TMEM135: variants seen among roughly 807,000 people sequenced by gnomAD.
TMEM135 encodes peroxisomal membrane protein 52.
In TMEM135, 30 loss-of-function variants were observed where a neutral mutation model predicts 60.3. The observed-to-expected ratio is 0.50, with a 90% confidence interval of 0.37 to 0.68. The LOEUF is 0.68. Among genes scored for constraint, TMEM135 ranks in the 30% least tolerant of loss-of-function variants. TMEM135 has a pLI of 0.00. For synonymous variants in TMEM135, 190 were observed against 186.7 expected (o/e 1.02, Z -0.14); for missense variants, 468 against 548.8 (o/e 0.85, Z 1.47).
chr11:87,107,903 C>G (rs1163157759), intron 4 of TMEM135, among the ~76,000 whole-genome samples: 2 of 152,160 alleles, frequency 1.3e-5, no homozygotes, highest in African/African-American at 4.8e-5. Flanking sequence ...TCCTATTTCT[C>G]CACATCCTCT....
rs796889631 is a variant in TMEM135 at position 87,302,584 on chromosome 11, G to A, written c.698+142G>A. The A allele has an allele frequency of 8.0e-5, 79 of 991,272 alleles. No homozygotes were observed. The African/African-American group carries it at 1.2e-3, about 15-fold the overall frequency. 61.4% of individuals were successfully genotyped at this position (991,272 alleles called of 1,614,324 possible). On this transcript the variant is annotated intron_variant, in intron 8 of 14. Coordinates refer to ENST00000305494, the MANE Select transcript of TMEM135 (RefSeq NM_022918.4). The stretch of plus-strand genomic sequence containing the variant: ...AACTGTGCATAGAATTTTATAAAAG[G>A]CACACAATGGCAAGTGAATATTATT...
At chr11:87,121,982 A>G (rs1937604880) in intron 4 of TMEM135, among the ~76,000 whole-genome samples, 1 of 152,124 alleles carries the variant, frequency 6.6e-6, no homozygotes, top group Non-Finnish European at 1.5e-5. Flanking sequence ...ACTAGATTTG[A>G]TAACTTGGCC....
chr11:87,113,162 A>G (rs957524977), intron 4 of TMEM135, among the ~76,000 whole-genome samples: 2 of 152,124 alleles, frequency 1.3e-5, no homozygotes, highest in African/African-American at 4.8e-5. Flanking sequence ...TCATGGCCCA[A>G]CTTATAAATG....
intron 8 of TMEM135, among the ~76,000 whole-genome samples, chr11:87,305,602 C>T (rs1463755748): frequency 2.0e-5 from 3 of 151,840 alleles, no homozygotes; most frequent in Non-Finnish European, 1.5e-5. Flanking sequence ...AGTGAAACCC[C>T]ATCTCTACTA....
chr11:87,090,593 T>A (rs1275607753), intron 3 of TMEM135, among the ~76,000 whole-genome samples: 1 of 152,084 alleles, frequency 6.6e-6, no homozygotes, highest in African/African-American at 2.4e-5. Flanking sequence ...TTTTCAGAGG[T>A]CAAACTCTGC....
At chr11:87,242,851 G>C (rs1941170994) in intron 6 of TMEM135, among the ~76,000 whole-genome samples, 5 of 147,594 alleles carry the variant, frequency 3.4e-5, no homozygotes, top group African/African-American at 1.3e-4. Context: ...AAGCTCTTTA[G>C]TTTAATGAGA....
In TMEM135 at chr11:87,309,972, G is replaced by A. The variant is rs187521783; in HGVS notation, c.936+300G>A. 2.0e-5 allele frequency among the ~76,000 whole-genome samples: 3 copies of A among 151,736 alleles called. No individual in the cohort carries two copies. In the East Asian group the frequency reaches 5.8e-4, roughly 29 times the overall value. Reference sequence around the variant, plus strand: ...ACACTCAGAAAATATGAATTTTTTGGATATTTCCAATATCAAAAATGATAT... The same window carrying A: ...ACACTCAGAAAATATGAATTTTTTGAATATTTCCAATATCAAAAATGATAT... On this transcript the variant is annotated intron_variant, in intron 10 of 14. Transcript: ENST00000305494.
At chr11:87,063,225 A>T (rs1393399857) in intron 1 of TMEM135, among the ~76,000 whole-genome samples, 1 of 152,124 alleles carries the variant, frequency 6.6e-6, no homozygotes, top group East Asian at 1.9e-4. Context: ...ATTTTGATTC[A>T]TTTTCCTAGG....
intron 3 of TMEM135, among the ~76,000 whole-genome samples, chr11:87,072,363 AATT>A (rs1210745080): frequency 6.6e-6 from 1 of 152,010 alleles, no homozygotes; most frequent in Non-Finnish European, 1.5e-5. Flanking sequence ...ATCTCAAATC[AATT>A]ATTATTATTA....
intron 4 of TMEM135, among the ~76,000 whole-genome samples, chr11:87,115,897 A>G (rs558391195): frequency 6.6e-6 from 1 of 152,228 alleles, no homozygotes; most frequent in South Asian, 2.1e-4. Context: ...TTAGATATTT[A>G]TTAAACATTA....
chr11:87,247,640 G>A (rs1480181219), intron 6 of TMEM135, among the ~76,000 whole-genome samples: 2 of 152,318 alleles, frequency 1.3e-5, no homozygotes, highest in East Asian at 3.9e-4. Context: ...AGACTCCGTG[G>A]GCGTAGGACC....
At chr11:87,183,608 T>G (rs1467903575) in intron 5 of TMEM135, among the ~76,000 whole-genome samples, 1 of 152,132 alleles carries the variant, frequency 6.6e-6, no homozygotes, top group African/African-American at 2.4e-5. Context: ...ATAATTGAAA[T>G]GTATGCATTG....
At chr11:87,096,344 G>C (rs893863516) in intron 4 of TMEM135, 1 of 192,826 alleles carries the variant, frequency 5.2e-6, no homozygotes, top group African/African-American at 2.4e-5. Context: ...GTCTTGGAGA[G>C]CATAAGCTAC....
At chr11:87,076,137 TC>T (rs1195091417) in intron 3 of TMEM135, among the ~76,000 whole-genome samples, 2 of 152,218 alleles carry the variant, frequency 1.3e-5, no homozygotes, top group Non-Finnish European at 2.9e-5. Flanking sequence ...TGACAAGTTC[TC>T]CCGGGCCCTG....
intron 4 of TMEM135, chr11:87,121,585 A>C (rs967712080): frequency 1.3e-5 from 2 of 151,474 alleles, no homozygotes; most frequent in African/African-American, 4.8e-5. Flanking sequence ...AATTAGCTAC[A>C]GAAGTTCCAC....
At chr11:87,137,355 T>G (rs571708058) in intron 4 of TMEM135, among the ~76,000 whole-genome samples, 1 of 152,134 alleles carries the variant, frequency 6.6e-6, no homozygotes, top group East Asian at 1.9e-4. Flanking sequence ...ATGAATTATC[T>G]AAATGAAATC....
At chr11:87,116,645 A>G (rs551529484) in intron 4 of TMEM135, among the ~76,000 whole-genome samples, 30 of 43,210 alleles carry the variant, frequency 6.9e-4, no homozygotes, top group African/African-American at 2.2e-3. Flanking sequence ...ACACACACAC[A>G]CAGACACACA....
intron 5 of TMEM135, among the ~76,000 whole-genome samples, chr11:87,223,592 C>T (rs1940695201): frequency 2.0e-5 from 3 of 152,004 alleles, no homozygotes; most frequent in Non-Finnish European, 4.4e-5. Flanking sequence ...GGGGGGATCA[C>T]CTGAGGTCAG....
chr11:87,055,086 C>G (rs866892983), intron 1 of TMEM135, among the ~76,000 whole-genome samples: 1 of 152,058 alleles, frequency 6.6e-6, no homozygotes, highest in African/African-American at 2.4e-5. Context: ...GTGGTAAGTG[C>G]TATTAAGAAG....
Sources: allele counts gnomAD v4.1 joint callset (sites outside exome capture counted in the v4.1 genomes callset), GRCh38; gene constraint gnomAD v4.1.1; transcripts MANE v1.5; gene names NCBI Gene and HGNC (gene_info 2026-07-23, HGNC 2026-07-21).